The following GRM4 variants were observed in gnomAD, a reference collection of about 807,000 sequenced individuals.
GRM4 encodes the protein glutamate metabotropic receptor 4, also known as metabotropic glutamate receptor 4.
A neutral mutation model predicts 81.7 loss-of-function variants in GRM4; 28 were observed. That is an observed-to-expected ratio of 0.34 (90% CI 0.25 to 0.47). The LOEUF is 0.47. GRM4 is among the 20% of genes least tolerant of loss of function. The probability of loss-of-function intolerance (pLI) is 1.00; values close to 1 mark genes in which losing one functional copy is unlikely to be tolerated. For missense variants in GRM4, 948 were observed against 1,290.0 expected (o/e 0.73, Z 4.06); for synonymous variants, 488 against 528.8 (o/e 0.92, Z 1.06).
chr6:34,129,093 CA>C (rs1208304783), intron 2 of GRM4, among the ~76,000 whole-genome samples: 1 of 151,926 alleles, frequency 6.6e-6, no homozygotes, highest in African/African-American at 2.4e-5. Flanking sequence ...CGGCTCACTG[CA>C]ACCTCTGCCT....
intron 2 of GRM4, among the ~76,000 whole-genome samples, chr6:34,094,725 C>T (rs1022034292): frequency 6.6e-6 from 1 of 152,286 alleles, no homozygotes; most frequent in Non-Finnish European, 1.5e-5. Flanking sequence ...TGCCTGCCTC[C>T]ACGCCCCTCC....
chr6:34,049,949 T>G (rs979172836), intron 6 of GRM4, among the ~76,000 whole-genome samples: 7 of 152,070 alleles, frequency 4.6e-5, no homozygotes, highest in Admixed American at 1.3e-4. Context: ...GTGATCTCAT[T>G]AGGACATAAA....
intron 2 of GRM4, among the ~76,000 whole-genome samples, chr6:34,095,028 A>G (rs874631): frequency 0.88 from 134,619 of 152,240 alleles, 59,611 homozygotes; most frequent in African/African-American, 0.92. Flanking sequence ...ATCCAGAGTG[A>G]GGCCCTGGCA....
intron 3 of GRM4, among the ~76,000 whole-genome samples, chr6:34,073,251 T>TCATCAGATACA (rs1383365773): frequency 0.018 from 6 of 340 alleles, no homozygotes; most frequent in Non-Finnish European, 0.027. Flanking sequence ...CACACACACA[T>TCATCAGATACA]CACCACATAG....
Position 34,028,270 on chromosome 6 carries a change from AGAG to A in GRM4, c.2536_2538del (p.Leu846del). ...TTGGGCACGTTCTGCTCCGGGTGGA[AGAG>A]GATGATGTAGACTTTGGGCATGTAG... On this transcript the variant is annotated inframe_deletion, in exon 10 of 11. Transcript: ENST00000538487. 1.2e-6 allele frequency: 2 copies of A among 1,614,030 alleles called. No individual in the cohort carries two copies. The highest frequency in any genetic ancestry group is 1.7e-6 in the Non-Finnish European group (2 of 1,180,004).
At chr6:34,097,431 G>C (rs1377389729) in intron 2 of GRM4, among the ~76,000 whole-genome samples, 1 of 29,852 alleles carries the variant, frequency 3.3e-5, no homozygotes, top group Non-Finnish European at 7.9e-5. Flanking sequence ...GTGCATGCCT[G>C]TGTGTGTGTG....
In GRM4 at chr6:34,070,246, A is replaced by G. The variant is rs1441691198; in HGVS notation, c.737-8218T>C. ...ATCTACTTTGCTCTGGTCCACAGTGATACTCTGTGCTCAGCGTCCACACGC... is the reference window on the plus strand; with the variant it reads ...ATCTACTTTGCTCTGGTCCACAGTGGTACTCTGTGCTCAGCGTCCACACGC... On this transcript the variant is annotated intron_variant, in intron 3 of 10. Transcript: ENST00000538487. The surrounding 1 kb of genome is among the most constrained non-coding windows in gnomAD (Gnocchi z 4.6). Among the ~76,000 whole-genome samples the G allele has an allele frequency of 6.6e-6, 1 of 152,118 alleles. No individual in the cohort carries two copies.
At chr6:34,140,971 A>C (rs1339422233) in intron 1 of GRM4, among the ~76,000 whole-genome samples, 1 of 152,262 alleles carries the variant, frequency 6.6e-6, no homozygotes, top group Non-Finnish European at 1.5e-5. Flanking sequence ...CACTGAAAAG[A>C]GGCAGTGAGT....
rs1186238548 is a variant in GRM4 at position 34,070,701 on chromosome 6, C to T, written c.737-8673G>A. 6.6e-6 allele frequency among the ~76,000 whole-genome samples: 1 copy of T among 151,590 alleles called. No individual in the cohort carries two copies. The highest frequency in any genetic ancestry group is 1.9e-4 in the East Asian group (1 of 5,172). ...GGAGGTCTACAGCTGGGCGGGGGGA[C>T]CAGGGCACCAGGATTATCCAAGGCA... On this transcript the variant is annotated intron_variant, in intron 3 of 10. Transcript: ENST00000538487. This position sits in a 1 kb window ranked among gnomAD's most constrained non-coding sequence, Gnocchi z 4.6.
chr6:34,097,856 G>A (rs961656347), intron 2 of GRM4, among the ~76,000 whole-genome samples: 2 of 152,198 alleles, frequency 1.3e-5, no homozygotes, highest in African/African-American at 4.8e-5. Context: ...CAAGTCAAGT[G>A]ACCAGACATC....
At chr6:34,081,056 A>G (rs770796142) in intron 3 of GRM4, among the ~76,000 whole-genome samples, 26 of 152,066 alleles carry the variant, frequency 1.7e-4, no homozygotes, top group African/African-American at 5.1e-4. Context: ...AAGCCCACCA[A>G]TGCTTCCCTG....
intron 3 of GRM4, among the ~76,000 whole-genome samples, chr6:34,077,590 T>A (rs1393053640): frequency 6.6e-6 from 1 of 151,980 alleles, no homozygotes; most frequent in African/African-American, 2.4e-5. Flanking sequence ...CCAAGTCCAA[T>A]CCTCAGCCCT....
At chr6:34,138,324 T>C (rs1178446793) in intron 1 of GRM4, among the ~76,000 whole-genome samples, 2 of 152,210 alleles carry the variant, frequency 1.3e-5, no homozygotes, top group African/African-American at 4.8e-5. Context: ...CAACCTTCCC[T>C]GTGTTCCCAC....
rs1767450696 is a variant in GRM4, at chr6:34,078,931, G to A, written c.736+12952C>T. Among the ~76,000 whole-genome samples the A allele has an allele frequency of 6.6e-6, 1 of 152,220 alleles. No homozygotes were observed. Among genetic ancestry groups the A allele is most frequent in the Non-Finnish European group, 1.5e-5 (1 of 68,042 alleles). On this transcript the variant is annotated intron_variant, in intron 3 of 10. Transcript: ENST00000538487. The surrounding 1 kb of genome is among the most constrained non-coding windows in gnomAD (Gnocchi z 4.8). ...CATGTAAGTGAGGGAGAGAGGAAAGGACGGTCACAACGGGAGGCTGAGAGA... is the reference window on the plus strand; with the variant it reads ...CATGTAAGTGAGGGAGAGAGGAAAGAACGGTCACAACGGGAGGCTGAGAGA...
rs187173252 is a variant in GRM4, at chr6:34,132,735, G to A, written c.519+243C>T. ...GTGCTGTTTCAGCACCTCGGTCAGC[G>A]CCACAAGGCTGGGTCCCGATGCCTT... On this transcript the variant is annotated intron_variant, in intron 2 of 10. Transcript: ENST00000538487. 9.8e-5 allele frequency among the ~76,000 whole-genome samples: 15 copies of A among 152,302 alleles called. No homozygotes were observed. The East Asian group carries it at 2.9e-3, about 29-fold the overall frequency.
At chr6:34,137,515 CCT>C (rs1409545849) in intron 1 of GRM4, among the ~76,000 whole-genome samples, 2 of 152,194 alleles carry the variant, frequency 1.3e-5, no homozygotes, top group East Asian at 3.8e-4. Flanking sequence ...CCAGCTGGGA[CCT>C]CTCTGTTATC....
intron 4 of GRM4, chr6:34,060,548 C>T (rs1766129921): frequency 6.6e-6 from 1 of 152,260 alleles, no homozygotes; most frequent in Non-Finnish European, 1.5e-5. Context: ...GCTTTCAGTC[C>T]CCCTCCCAGA....
chr6:34,125,516 C>T (rs1040660299), intron 2 of GRM4, among the ~76,000 whole-genome samples: 10 of 152,250 alleles, frequency 6.6e-5, no homozygotes, highest in African/African-American at 2.2e-4. Flanking sequence ...ATCCAGGAAT[C>T]CAATGCTCCC....
chr6:34,050,922 C>T (rs887190744), intron 6 of GRM4, among the ~76,000 whole-genome samples: 6 of 152,354 alleles, frequency 3.9e-5, no homozygotes, highest in South Asian at 2.1e-4. Context: ...TCAGGCTCTT[C>T]GTCTATGCTG....
Sources: gnomAD v4.1 joint callset for allele counts (sites outside exome capture counted in the v4.1 genomes callset) on GRCh38, gnomAD v4.1.1 for gene constraint, Gnocchi (gnomAD v3.1) non-coding constraint, MANE v1.5 for transcripts, NCBI Gene and HGNC (gene_info 2026-07-23, HGNC 2026-07-21) for gene names.